The following FBXO38 variants were observed in gnomAD, a reference collection of about 807,000 sequenced individuals.
FBXO38 encodes the protein F-box only protein 38.
In FBXO38, 53 loss-of-function variants were observed where a neutral mutation model predicts 131.9. The ratio of observed to expected loss-of-function variants is 0.40; its 90% CI spans 0.32 to 0.51. FBXO38 has a LOEUF of 0.51. Among genes scored for constraint, FBXO38 ranks in the 20% least tolerant of loss-of-function variants. The pLI is 0.53. For synonymous variants in FBXO38, 452 were observed against 505.6 expected (o/e 0.89, Z 1.42); for missense variants, 1,076 against 1,475.6 (o/e 0.73, Z 4.44).
chr5:148,390,002 C>A, intron 1 of FBXO38: 1 of 151,680 alleles, frequency 6.6e-6, no homozygotes, highest in African/African-American at 2.4e-5. Context: ...GCACTCCAGC[C>A]TGGGCAACAC....
Position 148,441,133 on chromosome 5 carries a change from A to T in FBXO38, c.3284A>T (p.Asp1095Val). 1 of 1,613,580 alleles carries T rather than the reference A, an allele frequency of 6.2e-7. No homozygotes were observed. Among genetic ancestry groups the T allele is most frequent in the Non-Finnish European group, 8.5e-7 (1 of 1,179,518 alleles). The change falls in exon 21 of 22, where the codon GAT (aspartate) becomes GTT (valine). Residue 1095 changes from aspartate (D) to valine (V), a missense_variant. Coordinates refer to ENST00000340253, the MANE Select transcript of FBXO38 (RefSeq NM_205836.3). ...TACATTTGTCTTTTAGGTGTTGTGGATGGAGCTCCATATTCCATGATTTCT... is the reference window on the plus strand; with the variant it reads ...TACATTTGTCTTTTAGGTGTTGTGGTTGGAGCTCCATATTCCATGATTTCT... Reference protein sequence around the residue: ...REIYTLEGVVDGAPYSMISDF... With the variant: ...REIYTLEGVVVGAPYSMISDF...
chr5:148,410,435 T>A (rs1020249137), intron 8 of FBXO38, 200 bp from the exon 9 acceptor site: 1 of 592,290 alleles, frequency 1.7e-6, no homozygotes, highest in Non-Finnish European at 2.9e-6. Context: ...TGTGACTTGC[T>A]CCTTTTTGCC....
At position 148,440,782 on chromosome 5, in the gene FBXO38, G is replaced by A. The variant is rs9325097; in HGVS notation, c.3274+255G>A. Reference sequence around the variant, plus strand: ...TTACACTTTTTAAAAAAAGAAAGTTGAATAGCTATTAACTAGATGACCGAA... The same window carrying A: ...TTACACTTTTTAAAAAAAGAAAGTTAAATAGCTATTAACTAGATGACCGAA... On this transcript the variant is annotated intron_variant, in intron 20 of 21. Transcript: ENST00000340253. 0.27 allele frequency among the ~76,000 whole-genome samples: 41,016 copies of A among 152,004 alleles called. 5,591 individuals are homozygous for A. The highest frequency in any genetic ancestry group is 0.3 in the African/African-American group (12,276 of 41,442).
chr5:148,437,839 A>G (rs778145368), intron 17 of FBXO38, among the ~76,000 whole-genome samples: 51 of 152,072 alleles, frequency 3.4e-4, no homozygotes, highest in Non-Finnish European at 5.6e-4. Flanking sequence ...CACTAACCAC[A>G]TGGCTACTAG....
At chr5:148,435,385 G>A (rs1450350634) in intron 17 of FBXO38, among the ~76,000 whole-genome samples, 2 of 152,170 alleles carry the variant, frequency 1.3e-5, no homozygotes, top group African/African-American at 4.8e-5. Flanking sequence ...TTCACAACTT[G>A]GCTAACTGGC....
chr5:148,422,707 C>T (rs1446379424), intron 12 of FBXO38, among the ~76,000 whole-genome samples: 1 of 152,172 alleles, frequency 6.6e-6, no homozygotes, highest in Non-Finnish European at 1.5e-5. Flanking sequence ...TAAATGTTTG[C>T]ACAGGCTATT....
chr5:148,418,521 C>G (rs768282649), intron 12 of FBXO38, among the ~76,000 whole-genome samples: 4 of 152,148 alleles, frequency 2.6e-5, no homozygotes, highest in Admixed American at 6.5e-5. Context: ...CCCAACCAGT[C>G]TCCCTTAAAA....
intron 9 of FBXO38, among the ~76,000 whole-genome samples, chr5:148,412,866 T>C (rs967673648): frequency 2.0e-5 from 3 of 152,024 alleles, no homozygotes; most frequent in Non-Finnish European, 4.4e-5. Flanking sequence ...ACCTGTGGGC[T>C]GAAAAGAAAA....
At chr5:148,436,027 A>G (rs1341481833) in intron 17 of FBXO38, among the ~76,000 whole-genome samples, 1 of 152,166 alleles carries the variant, frequency 6.6e-6, no homozygotes, top group Non-Finnish European at 1.5e-5. Context: ...ATCAGAGATC[A>G]TTGATCATAG....
In FBXO38 at chr5:148,427,073, A is replaced by G. The variant is rs1172623099; in HGVS notation, c.1919-140A>G. The G allele has an allele frequency of 6.2e-6, 6 of 961,980 alleles. No homozygotes were observed. The South Asian group carries it at 9.0e-5, about 14-fold the overall frequency. 59.6% of individuals were successfully genotyped at this position (961,980 alleles called of 1,614,324 possible). On this transcript the variant is annotated intron_variant, in intron 14 of 21. Transcript: ENST00000340253. Reference sequence around the variant, plus strand: ...TAGAGAATTTTATAGCAGCTCAGTGATGTGATCACAGTTATACTTTAGGAA... The same window carrying G: ...TAGAGAATTTTATAGCAGCTCAGTGGTGTGATCACAGTTATACTTTAGGAA...
chr5:148,393,602 G>A (rs77756555), intron 1 of FBXO38, among the ~76,000 whole-genome samples: 2,582 of 152,068 alleles, frequency 0.017, 70 homozygotes, highest in East Asian at 0.069. Flanking sequence ...AGTTATCTCC[G>A]TGTGCAATTC....
intron 10 of FBXO38, among the ~76,000 whole-genome samples, chr5:148,414,710 A>G (rs773724330): frequency 6.6e-6 from 1 of 152,166 alleles, no homozygotes; most frequent in African/African-American, 2.4e-5. Flanking sequence ...TAATTAAGTG[A>G]CATTAACCTG....
At chr5:148,419,802 A>G (rs1033483819) in intron 12 of FBXO38, among the ~76,000 whole-genome samples, 5 of 152,146 alleles carry the variant, frequency 3.3e-5, no homozygotes, top group Admixed American at 3.3e-4. Context: ...CCCAGAATGA[A>G]GTAACACCAG....
chr5:148,438,568 C>T (rs1754485611), intron 18 of FBXO38, 70 bp downstream of exon 18: 1 of 1,513,906 alleles, frequency 6.6e-7, no homozygotes, highest in Non-Finnish European at 8.9e-7. Context: ...TCTTGTTAGT[C>T]TTTAGCCTTT....
At chr5:148,434,110 A>C (rs1754200964) in intron 17 of FBXO38, 1 of 159,080 alleles carries the variant, frequency 6.3e-6, no homozygotes, top group Non-Finnish European at 1.4e-5. Context: ...TTGGGCCTCA[A>C]GTGTATAACT....
chr5:148,420,866 C>T (rs530447462), intron 12 of FBXO38, among the ~76,000 whole-genome samples: 1 of 151,960 alleles, frequency 6.6e-6, no homozygotes, highest in African/African-American at 2.4e-5. Context: ...CATATGTTGC[C>T]CAGGCGGTCT....
At chr5:148,423,940 G>A (rs1478578304) in intron 12 of FBXO38, 58 bp from the exon 13 acceptor site, 1 of 1,538,694 alleles carries the variant, frequency 6.5e-7, no homozygotes, top group East Asian at 2.3e-5. Flanking sequence ...AGTTTTGCCT[G>A]CCATTGTAGT....
At chr5:148,384,163 T>G (rs1039122258) in intron 1 of FBXO38, 124 bp downstream of exon 1, 3 of 152,542 alleles carry the variant, frequency 2.0e-5, no homozygotes, top group Non-Finnish European at 4.4e-5. Flanking sequence ...GCTCGGCCTC[T>G]GGCCCCCTTG....
chr5:148,392,279 C>T (rs1758235190), intron 1 of FBXO38, among the ~76,000 whole-genome samples: 1 of 152,008 alleles, frequency 6.6e-6, no homozygotes, highest in Admixed American at 6.6e-5. Context: ...ATAAAAATAG[C>T]CCATCAATTG....
Sources: allele counts gnomAD v4.1 joint callset (sites outside exome capture counted in the v4.1 genomes callset), GRCh38; gene constraint gnomAD v4.1.1; transcripts MANE v1.5; gene names NCBI Gene and HGNC (gene_info 2026-07-23, HGNC 2026-07-21).